The following STAB2 variants were observed in gnomAD, a reference collection of about 807,000 sequenced individuals.
STAB2 encodes stabilin-2.
In STAB2, 288 loss-of-function variants were observed where a neutral mutation model predicts 338.1. The ratio of observed to expected loss-of-function variants is 0.85; its 90% CI spans 0.77 to 0.94. The LOEUF (loss-of-function observed/expected upper bound fraction) is 0.94, where lower values mean the gene tolerates loss of function less well. Ranked by LOEUF, STAB2 falls within the 40% of genes least tolerant of loss-of-function variation. The pLI, the probability that STAB2 is intolerant of heterozygous loss-of-function variation, is 0.00. For synonymous variants in STAB2, 1,202 were observed against 1,193.3 expected, an observed-to-expected ratio of 1.01 and a Z score of -0.15; for missense variants, 3,141 against 3,210.1, an observed-to-expected ratio of 0.98 and a Z score of 0.52.
At chr12:103,731,816 T>C (rs1372171233) in intron 50 of STAB2, among the ~76,000 whole-genome samples, 181 bp downstream of exon 50, 3 of 152,232 alleles carry the variant, frequency 2.0e-5, no homozygotes, top group African/African-American at 7.2e-5. Context: ...TAGAATGTTA[T>C]ATGGCTTGTT....
intron 3 of STAB2, among the ~76,000 whole-genome samples, chr12:103,602,715 T>C (rs946728347): frequency 7.2e-5 from 11 of 152,254 alleles, no homozygotes; most frequent in Non-Finnish European, 1.3e-4. Context: ...CATTTTTTCA[T>C]GCGCTTATTT....
intron 24 of STAB2, among the ~76,000 whole-genome samples, chr12:103,676,772 T>C (rs190621873): frequency 7.9e-5 from 12 of 152,330 alleles, no homozygotes; most frequent in African/African-American, 2.9e-4. Flanking sequence ...TGCTTCCTCT[T>C]ATCTACCCAC....
chr12:103,720,833 G>A (rs1880703483), intron 44 of STAB2, among the ~76,000 whole-genome samples: 1 of 152,238 alleles, frequency 6.6e-6, no homozygotes, highest in South Asian at 2.1e-4. Context: ...GCACTGGCTA[G>A]TTCTGTGTCT....
chr12:103,663,181 C>CCACA (rs1355446798), intron 18 of STAB2, among the ~76,000 whole-genome samples, 183 bp downstream of exon 18: 1 of 152,154 alleles, frequency 6.6e-6, no homozygotes, highest in Non-Finnish European at 1.5e-5. Flanking sequence ...AAACTGTGAA[C>CCACA]CACAGTTCCT....
At position 103,733,072 on chromosome 12, in the gene STAB2, G is replaced by C. The variant is rs147807697; in HGVS notation, c.5350G>C (p.Asp1784His). ...HTPVTLFWPT[D>H]QALHALPAEQ... ...CCCAGTCACTCTCTTCTGGCCCACC[G>C]ACCAAGCCCTCCATGCCCTACCTGC... is the stretch of plus-strand genomic sequence containing the variant. The change falls in exon 51 of 69, where the codon GAC becomes CAC. Residue 1784 changes from aspartate (D) to histidine (H), a missense_variant. By Grantham distance (81) the Asp-to-His change is moderately conservative. Coordinates refer to ENST00000388887, the MANE Select transcript of STAB2 (RefSeq NM_017564.10). 3.1e-6 allele frequency: 5 copies of C among 1,614,048 alleles called. No homozygotes were observed. In the East Asian group the frequency reaches 1.1e-4, roughly 36 times the overall value.
intron 3 of STAB2, among the ~76,000 whole-genome samples, chr12:103,608,766 CTA>C (rs1224523222): frequency 6.6e-6 from 1 of 152,146 alleles, no homozygotes; most frequent in African/African-American, 2.4e-5. Context: ...TTTCCCATGC[CTA>C]TGTCCTGAAT....
chr12:103,745,128 G>A (rs373365423), intron 56 of STAB2, 45 bp from the exon 57 acceptor site: 28 of 1,533,554 alleles, frequency 1.8e-5, no homozygotes, highest in Non-Finnish European at 2.2e-5. Context: ...CTGGTTGATT[G>A]GGTCTCAACC....
intron 3 of STAB2, among the ~76,000 whole-genome samples, chr12:103,598,473 T>C (rs76981689): frequency 0.04 from 6,063 of 152,312 alleles, 179 homozygotes; most frequent in East Asian, 0.12. Flanking sequence ...AATAGTCTTA[T>C]CAGCTTCTTG....
intron 19 of STAB2, among the ~76,000 whole-genome samples, chr12:103,668,192 G>T (rs1475203896): frequency 3.3e-5 from 5 of 152,158 alleles, no homozygotes; most frequent in African/African-American, 1.2e-4. Flanking sequence ...ATATAAATCT[G>T]CCCCACTCCT....
chr12:103,685,118 CA>C (rs1417938480), intron 27 of STAB2, 34 bp downstream of exon 27: 4 of 1,592,364 alleles, frequency 2.5e-6, no homozygotes, highest in Non-Finnish European at 2.6e-6. Context: ...ATAATATAGA[CA>C]AAACCCTTTA....
At position 103,735,518 on chromosome 12, in the gene STAB2, A is replaced by G. The variant is rs551954258; in HGVS notation, c.5488A>G (p.Thr1830Ala). ...TTTAGCTGTGGATCTTCCCACATCC[A>G]CTGCCTGGAAGACCCTGCAAGGTTC... ...KVLAVDLPTSTAWKTLQGSEL... is the reference protein window; with the variant it reads ...KVLAVDLPTSAAWKTLQGSEL... The change falls in exon 52 of 69, where the codon ACT becomes GCT. Residue 1830 changes from threonine (T) to alanine (A), a missense_variant. Thr to Ala is a moderately conservative substitution (Grantham distance 58, BLOSUM62 0). Coordinates refer to ENST00000388887, the MANE Select transcript of STAB2 (RefSeq NM_017564.10). 13 of 1,610,020 alleles carry G rather than the reference A, an allele frequency of 8.1e-6. No individual in the cohort carries two copies. The Admixed American group carries it at 2.2e-4, about 27-fold the overall frequency.
Position 103,728,769 on chromosome 12 carries a change from T to C in STAB2, c.4936-80T>C, listed in dbSNP as rs758432562. On this transcript the variant is annotated intron_variant, in intron 47 of 68. Transcript: ENST00000388887. ...GGGCCGAGAGGTGTGGAAGAGAGAATGGAGGACAGGAGAGCCAAATGGCAC... is the reference window on the plus strand; with the variant it reads ...GGGCCGAGAGGTGTGGAAGAGAGAACGGAGGACAGGAGAGCCAAATGGCAC... 2.5e-5 allele frequency: 40 copies of C among 1,568,662 alleles called. 1 individual carries two copies. The highest frequency in any genetic ancestry group is 3.4e-5 in the Non-Finnish European group (39 of 1,148,462).
chr12:103,677,529 G>T lies in STAB2; in HGVS notation c.2723G>T (p.Cys908Phe). ...QQGWTGNGRD[C>F]SEINNCLLPS... ...GGTTGGACAGGGAATGGGAGAGACT[G>T]CTCGGAGATCAACAACTGCCTGCTG... The change falls in exon 25 of 69, where the codon TGC becomes TTC. Residue 908 changes from cysteine (C) to phenylalanine (F), a missense_variant. Cys to Phe is a radical substitution (Grantham distance 205, BLOSUM62 -2). Coordinates refer to ENST00000388887, the MANE Select transcript of STAB2 (RefSeq NM_017564.10). 6.2e-7 allele frequency: 1 copy of T among 1,614,186 alleles called. No individual in the cohort carries two copies.
chr12:103,607,228 T>G (rs567981305), intron 3 of STAB2, among the ~76,000 whole-genome samples: 1 of 151,928 alleles, frequency 6.6e-6, no homozygotes, highest in South Asian at 2.1e-4. Flanking sequence ...TTGGCCACAT[T>G]TTTTTTTCAA....
chr12:103,637,029 A>G, intron 6 of STAB2, 82 bp from the exon 7 acceptor site: 2 of 1,408,152 alleles, frequency 1.4e-6, no homozygotes, highest in Non-Finnish European at 1.9e-6. Context: ...TTGCTTTTTA[A>G]TAAAAGGGAA....
intron 40 of STAB2, 49 bp downstream of exon 40, chr12:103,711,565 C>T (rs1383251387): frequency 6.2e-7 from 1 of 1,602,480 alleles, no homozygotes; most frequent in South Asian, 1.1e-5. Context: ...GGGATTTTTT[C>T]CCAATATTGT....
At chr12:103,685,125 CT>C in intron 27 of STAB2, 41 bp downstream of exon 27, 1 of 1,570,136 alleles carries the variant, frequency 6.4e-7, no homozygotes, top group Non-Finnish European at 8.7e-7. Context: ...AGACAAAACC[CT>C]TTAAAAACCT....
chr12:103,759,263 C>A lies in STAB2; in HGVS notation c.7238C>A (p.Pro2413Gln). Reference sequence around the variant, plus strand: ...CTGCTCATCACTGCCAGCCAGGACCCACTCCAACCGGTACAAAGTCTTCTG... The same window carrying A: ...CTGCTCATCACTGCCAGCCAGGACCAACTCCAACCGGTACAAAGTCTTCTG... ...SKLLITASQD[P>Q]LQPTETRFVD... The change falls in exon 65 of 69, where the codon CCA (proline) becomes CAA (glutamine). Residue 2413 changes from proline (P) to glutamine (Q), a missense_variant. Transcript: ENST00000388887. 6.2e-7 allele frequency: 1 copy of A among 1,614,068 alleles called. No individual in the cohort carries two copies. The highest frequency in any genetic ancestry group is 8.5e-7 in the Non-Finnish European group (1 of 1,180,006).
chr12:103,679,261 G>A (rs879262689), intron 25 of STAB2, among the ~76,000 whole-genome samples: 6 of 152,054 alleles, frequency 3.9e-5, no homozygotes, highest in East Asian at 1.9e-4. Flanking sequence ...CCAGCTACTC[G>A]GGAGGCTGAG....
Sources: allele counts gnomAD v4.1 joint callset (sites outside exome capture counted in the v4.1 genomes callset), GRCh38; gene constraint gnomAD v4.1.1; transcripts MANE v1.5; gene names NCBI Gene and HGNC (gene_info 2026-07-23, HGNC 2026-07-21).